Variants in BNIPL observed in about 807,000 individuals in gnomAD.
The protein encoded by BNIPL is BCL2 interacting protein like, also known as bcl-2/adenovirus E1B 19 kDa-interacting protein 2-like protein.
BNIPL carries 33 observed loss-of-function variants against 47.0 expected under a neutral mutation model. That is an observed-to-expected ratio of 0.70 (90% confidence interval 0.53 to 0.94). BNIPL has a LOEUF of 0.94. BNIPL is among the 40% of genes least tolerant of loss of function. BNIPL has a pLI of 0.00. For synonymous variants in BNIPL, 145 were observed against 162.7 expected (o/e 0.89, Z 0.83); for missense variants, 404 against 445.2 (o/e 0.91, Z 0.83).
At chr1:151,043,199 G>A in intron 5 of BNIPL, 61 bp downstream of exon 5, 1 of 1,562,720 alleles carries the variant, frequency 6.4e-7, no homozygotes, top group African/African-American at 1.4e-5. Context: ...TGCCTAAGCT[G>A]GAGACTCAGT....
In BNIPL at chr1:151,043,128, G is replaced by C; in HGVS notation, c.606G>C (p.Leu202=). Residue 202 remains leucine, a synonymous_variant, in exon 5 of 10, where the codon CTG becomes CTC. Transcript: ENST00000368931. Reference sequence around the variant, plus strand: ...TCATTGAGCCCTATAAGAAAGTCCTGTCTCATGGAGGTAATGGCTAGCATA... The same window carrying C: ...TCATTGAGCCCTATAAGAAAGTCCTCTCTCATGGAGGTAATGGCTAGCATA... The part of the protein sequence containing the change: ...MTVIEPYKKV[L]SHGGYHGDGL... 6.2e-7 allele frequency: 1 copy of C among 1,612,866 alleles called. No homozygotes were observed. Among genetic ancestry groups the C allele is most frequent in the Non-Finnish European group, 8.5e-7 (1 of 1,179,144 alleles).
intron 3 of BNIPL, 88 bp downstream of exon 3, chr1:151,038,656 C>T: frequency 6.3e-7 from 1 of 1,583,690 alleles, no homozygotes; most frequent in African/African-American, 1.4e-5. Flanking sequence ...GTTCCATTTC[C>T]CCCTTTTCCC....
intron 1 of BNIPL, 22 bp from the exon 2 acceptor site, chr1:151,037,545 T>C: frequency 6.3e-7 from 1 of 1,585,672 alleles, no homozygotes; most frequent in Non-Finnish European, 8.6e-7. Flanking sequence ...CCTTGATCTT[T>C]TCTTCTTGGG....
At chr1:151,046,028 C>T in intron 8 of BNIPL, 39 bp from the exon 9 acceptor site, 8 of 1,613,750 alleles carry the variant, frequency 5.0e-6, no homozygotes, top group Non-Finnish European at 6.8e-6. Context: ...GAACCCTTCT[C>T]CCAATACAAA....
intron 2 of BNIPL, 69 bp from the exon 3 acceptor site, chr1:151,038,435 T>A: frequency 8.8e-7 from 1 of 1,142,024 alleles, no homozygotes; most frequent in Non-Finnish European, 1.3e-6. Context: ...AGAGAGAACC[T>A]ATATATTGAG....
At chr1:151,045,084 G>A (rs1205872342) in intron 7 of BNIPL, 3 of 563,428 alleles carry the variant, frequency 5.3e-6, no homozygotes, top group East Asian at 1.9e-4. Context: ...CCAACATGGT[G>A]ACAAGTCATT....
At chr1:151,039,548 C>G (rs1055740449) in intron 4 of BNIPL, among the ~76,000 whole-genome samples, 6 of 152,004 alleles carry the variant, frequency 3.9e-5, no homozygotes, top group Non-Finnish European at 8.8e-5. Flanking sequence ...GAAGCAGAAG[C>G]AACTCAAGCA....
intron 7 of BNIPL, 44 bp from the exon 8 acceptor site, chr1:151,045,753 T>G: frequency 1.9e-6 from 3 of 1,613,686 alleles, no homozygotes; most frequent in Non-Finnish European, 2.5e-6. Flanking sequence ...TCTTCACACA[T>G]AAAGGTGGAA....
Position 151,047,608 on chromosome 1 carries a change from C to G in BNIPL, c.*921C>G, listed in dbSNP as rs1676077270. Reference sequence around the variant, plus strand: ...TTAAGCTCTGCTCCAAAGAAGTGAACGACTCTTTCACCACCCCTTGCATCC... The same window carrying G: ...TTAAGCTCTGCTCCAAAGAAGTGAAGGACTCTTTCACCACCCCTTGCATCC... On this transcript the variant is annotated 3_prime_UTR_variant, in exon 10 of 10. Transcript: ENST00000368931. 8.8e-6 allele frequency: 5 copies of G among 569,110 alleles called. No homozygotes were observed. In the South Asian group the frequency reaches 1.1e-4, roughly 13 times the overall value. 35.3% of individuals were successfully genotyped at this position (569,110 alleles called of 1,614,324 possible). A position where few individuals can be genotyped will look rare whatever the true frequency, so the allele number is the denominator to read the frequency against.
rs587745532 is a variant in BNIPL at position 151,047,363 on chromosome 1, C to A, written c.*676C>A. 14 of 157,034 alleles carry A rather than the reference C, an allele frequency of 8.9e-5. No homozygotes were observed. The highest frequency in any genetic ancestry group is 1.7e-4 in the Non-Finnish European group (12 of 71,500). 9.7% of individuals were successfully genotyped at this position (157,034 alleles called of 1,614,324 possible). Reference sequence around the variant, plus strand: ...CCTGTCTAACTGGAGGGACTGTGATCCTTCCACCTTGGATGGAAGAGGCTT... The same window carrying A: ...CCTGTCTAACTGGAGGGACTGTGATACTTCCACCTTGGATGGAAGAGGCTT... On this transcript the variant is annotated 3_prime_UTR_variant, in exon 10 of 10. Transcript: ENST00000368931.
chr1:151,037,158 T>C (rs1969442), intron 1 of BNIPL, among the ~76,000 whole-genome samples: 121,671 of 151,998 alleles, frequency 0.8, 48,746 homozygotes, highest in East Asian at 0.91. Flanking sequence ...ACCCCTCCAC[T>C]TATGCCATGT....
chr1:151,045,149 T>C (rs895543255), intron 7 of BNIPL: 9 of 216,726 alleles, frequency 4.2e-5, no homozygotes, highest in Middle Eastern at 2.0e-3. Context: ...GTGCCTATAA[T>C]CCCAGCTACT....
At position 151,047,128 on chromosome 1, in the gene BNIPL, TG is replaced by T; in HGVS notation, c.*442del. 6.5e-6 allele frequency: 1 copy of T among 154,818 alleles called. No individual in the cohort carries two copies. Among genetic ancestry groups the T allele is most frequent in the Non-Finnish European group, 1.4e-5 (1 of 69,688 alleles). The allele number at this position is 154,818 out of a possible 1,614,324, so 9.6% of individuals were successfully genotyped here. On this transcript the variant is annotated 3_prime_UTR_variant, in exon 10 of 10. Transcript: ENST00000368931. ...GCGCACGCCACCACGCCCAGCTAAT[TG>T]TTTTGTATTTTTAGTAGAGACGGGG...
At chr1:151,045,198 G>A (rs1226571873) in intron 7 of BNIPL, among the ~76,000 whole-genome samples, 1 of 149,002 alleles carries the variant, frequency 6.7e-6, no homozygotes, top group Non-Finnish European at 1.5e-5. Flanking sequence ...AACCCGGGAG[G>A]TGGAGGGTTG....
At chr1:151,044,274 T>C (rs1675930440) in intron 7 of BNIPL, among the ~76,000 whole-genome samples, 1 of 152,222 alleles carries the variant, frequency 6.6e-6, no homozygotes, top group Non-Finnish European at 1.5e-5. Flanking sequence ...CATGAGCCAC[T>C]GCACCCGGCC....
At chr1:151,041,023 A>AT (rs1675803530) in intron 4 of BNIPL, among the ~76,000 whole-genome samples, 2 of 151,078 alleles carry the variant, frequency 1.3e-5, no homozygotes, top group Admixed American at 1.3e-4. Context: ...CTACAAAAAA[A>AT]ATTTTTTTTA....
In BNIPL at chr1:151,046,179, T is replaced by G. The variant is rs1011334438; in HGVS notation, c.1037+14T>G. 1 of 1,614,008 alleles carries G rather than the reference T, an allele frequency of 6.2e-7. No homozygotes were observed. Among genetic ancestry groups the G allele is most frequent in the Non-Finnish European group, 8.5e-7 (1 of 1,179,972 alleles). On this transcript the variant is annotated intron_variant, in intron 9 of 9. Transcript: ENST00000368931. ...AGCTGTCAGACAGTGAGTTTCACAC[T>G]TAAGAATAAAGCCTTGGGGTGGGAT...
intron 1 of BNIPL, 93 bp downstream of exon 1, chr1:151,036,859 G>A (rs1038183976): frequency 3.0e-5 from 39 of 1,321,568 alleles, no homozygotes; most frequent in Non-Finnish European, 4.1e-5. Flanking sequence ...GTCAAATCTC[G>A]GGTTCCTCAA....
In BNIPL at chr1:151,042,631, C is replaced by T. The variant is rs587666571; in HGVS notation, c.434-325C>T. Among the ~76,000 whole-genome samples, 93 of 151,962 alleles carry T rather than the reference C, an allele frequency of 6.1e-4. No individual in the cohort carries two copies. In the South Asian group the frequency reaches 0.018, roughly 30 times the overall value. On this transcript the variant is annotated intron_variant, in intron 4 of 9. Transcript: ENST00000368931. ...GAGTTCAAGACCAGCCTAGGCAACA[C>T]GGCAAAACCCTGTTTCTACAAAAAA...
Sources: allele counts gnomAD v4.1 joint callset (sites outside exome capture counted in the v4.1 genomes callset), GRCh38; gene constraint gnomAD v4.1.1; transcripts MANE v1.5; gene names NCBI Gene and HGNC (gene_info 2026-07-23, HGNC 2026-07-21).